UCP1: variants seen among roughly 807,000 people sequenced by gnomAD.
The protein encoded by UCP1 is uncoupling protein 1.
Under a neutral mutation model 26.2 loss-of-function variants are expected in UCP1, and 24 were observed. The ratio of observed to expected loss-of-function variants is 0.92; its 90% CI spans 0.66 to 1.29. The LOEUF (loss-of-function observed/expected upper bound fraction) is 1.29, where lower values mean the gene tolerates loss of function less well. Among genes scored for constraint, UCP1 ranks in the 50% most tolerant of loss-of-function variants. UCP1 has a pLI of 0.00. For missense variants in UCP1, 402 were observed against 388.7 expected, an observed-to-expected ratio of 1.03 and a Z score of -0.29; for synonymous variants, 164 against 156.8, an observed-to-expected ratio of 1.05 and a Z score of -0.34.
intron 5 of UCP1, 53 bp from the exon 6 acceptor site, chr4:140,560,063 TA>T: frequency 2.0e-6 from 3 of 1,466,050 alleles, no homozygotes; most frequent in Non-Finnish European, 1.9e-6. Flanking sequence ...TTTTTTTTTT[TA>T]ATTTTTGAGA....
Position 140,559,521 on chromosome 4 carries a change from T to C in UCP1, c.*375A>G, listed in dbSNP as rs558086468. On this transcript the variant is annotated 3_prime_UTR_variant, in exon 6 of 6. Coordinates refer to ENST00000262999, the MANE Select transcript of UCP1 (RefSeq NM_021833.5). ...TATTTTTAATAACTTCATTTTTAAG[T>C]ATTTATAAATATAAACTGCATTTCA... is the stretch of plus-strand genomic sequence containing the variant. 5.4e-6 allele frequency: 1 copy of C among 186,564 alleles called. No homozygotes were observed. The highest frequency in any genetic ancestry group is 1.6e-4 in the East Asian group (1 of 6,336). 11.6% of individuals were successfully genotyped at this position (186,564 alleles called of 1,614,324 possible).
chr4:140,566,931 C>T (rs1034946649), intron 2 of UCP1, among the ~76,000 whole-genome samples: 5 of 152,318 alleles, frequency 3.3e-5, no homozygotes, highest in Admixed American at 2.6e-4. Context: ...GGCCAGACTG[C>T]CTGGGTTTGA....
At chr4:140,565,434 C>T (rs950670038) in intron 2 of UCP1, among the ~76,000 whole-genome samples, 1 of 152,182 alleles carries the variant, frequency 6.6e-6, no homozygotes, top group Non-Finnish European at 1.5e-5. Flanking sequence ...ACTCCTTTTA[C>T]ATATATACTC....
chr4:140,566,808 T>C (rs1344541441), intron 2 of UCP1, among the ~76,000 whole-genome samples: 1 of 152,220 alleles, frequency 6.6e-6, no homozygotes, highest in African/African-American at 2.4e-5. Flanking sequence ...ACTACCCTGA[T>C]ATTCGGCTAA....
chr4:140,568,591 T>C lies in UCP1; in HGVS notation c.126+13A>G. On this transcript the variant is annotated intron_variant, in intron 1 of 5. Coordinates refer to ENST00000262999, the MANE Select transcript of UCP1 (RefSeq NM_021833.5). ...GTCCTGAGACCCCTTGTCTTACCCC[T>C]CTGCCTAGCTACCTGGAGCCGGACT... 6.2e-7 allele frequency: 1 copy of C among 1,613,660 alleles called. No individual in the cohort carries two copies. Among genetic ancestry groups the C allele is most frequent in the Non-Finnish European group, 8.5e-7 (1 of 1,179,936 alleles).
chr4:140,559,786 C>G lies in UCP1; in HGVS notation c.*110G>C. 1.9e-6 allele frequency: 2 copies of G among 1,073,960 alleles called. No homozygotes were observed. Among genetic ancestry groups the G allele is most frequent in the Non-Finnish European group, 1.4e-6 (1 of 734,466 alleles). 66.5% of individuals were successfully genotyped at this position (1,073,960 alleles called of 1,614,324 possible). On this transcript the variant is annotated 3_prime_UTR_variant, in exon 6 of 6. Coordinates refer to ENST00000262999, the MANE Select transcript of UCP1 (RefSeq NM_021833.5). ...TATAAAAAAGTCCAAAATTCTCTGC[C>G]AAAATTCCTTTATCTTTTTAGGTTA... is the stretch of plus-strand genomic sequence containing the variant.
At position 140,568,694 on chromosome 4, in the gene UCP1, G is replaced by T. The variant is rs555213120; in HGVS notation, c.36C>A (p.Thr12=). 1.0e-5 allele frequency: 16 copies of T among 1,604,978 alleles called. No homozygotes were observed. In the African/African-American group the frequency reaches 1.3e-4, roughly 13 times the overall value. ...GGLTASDVHP[T]LGVQLFSAGI... is the part of the protein sequence containing the mutation. Reference sequence around the variant, plus strand: ...CAGCTGAGAAGAGCTGGACCCCCAGGGTCGGGTGTACGTCCGAGGCTGTCA... The same window carrying T: ...CAGCTGAGAAGAGCTGGACCCCCAGTGTCGGGTGTACGTCCGAGGCTGTCA... The change falls in exon 1 of 6, where the codon ACC becomes ACA. Residue 12 remains threonine (T), a synonymous_variant. Coordinates refer to ENST00000262999, the MANE Select transcript of UCP1 (RefSeq NM_021833.5).
Position 140,567,807 on chromosome 4 carries a change from G to A in UCP1, c.297C>T (p.Val99=). ...CTTTCCCTGCGGTGAGGAACTCCTGGACCGTGTCGTAGAGGCCGATCCTGA... is the reference window on the plus strand; with the variant it reads ...CTTTCCCTGCGGTGAGGAACTCCTGAACCGTGTCGTAGAGGCCGATCCTGA... ...ASLRIGLYDT[V]QEFLTAGKET... The change falls in exon 2 of 6, where the codon GTC becomes GTT. Residue 99 remains valine (V), a synonymous_variant. Coordinates refer to ENST00000262999, the MANE Select transcript of UCP1 (RefSeq NM_021833.5). 6.2e-7 allele frequency: 1 copy of A among 1,614,086 alleles called. No homozygotes were observed. The highest frequency in any genetic ancestry group is 8.5e-7 in the Non-Finnish European group (1 of 1,180,016).
chr4:140,564,491 A>C (rs1400707293), intron 2 of UCP1, among the ~76,000 whole-genome samples: 1 of 152,180 alleles, frequency 6.6e-6, no homozygotes, highest in African/African-American at 2.4e-5. Context: ...CAGTCATTAT[A>C]ATTCTGTTTC....
In UCP1 at chr4:140,559,460, A is replaced by G; in HGVS notation, c.*436T>C. Reference sequence around the variant, plus strand: ...AAAGGTATTAGCAATACTTTATTGAATATATTAACTGACAACTGTGGTTAA... The same window carrying G: ...AAAGGTATTAGCAATACTTTATTGAGTATATTAACTGACAACTGTGGTTAA... On this transcript the variant is annotated 3_prime_UTR_variant, in exon 6 of 6. Transcript: ENST00000262999. 1 of 183,700 alleles carries G rather than the reference A, an allele frequency of 5.4e-6. No individual in the cohort carries two copies. The highest frequency in any genetic ancestry group is 5.7e-5 in the Admixed American group (1 of 17,400). The allele number at this position is 183,700 out of a possible 1,614,324, so 11.4% of individuals were successfully genotyped here. A position where few individuals can be genotyped will look rare whatever the true frequency, so the allele number is the denominator to read the frequency against.
chr4:140,563,615 T>C, intron 2 of UCP1, 97 bp from the exon 3 acceptor site: 1 of 1,238,532 alleles, frequency 8.1e-7, no homozygotes, highest in Non-Finnish European at 1.1e-6. Context: ...TTTTGTATTT[T>C]TTTTTTTTTT....
chr4:140,568,612 G>A lies in UCP1; in HGVS notation c.118C>T (p.Arg40Trp), dbSNP rs150067245. The change falls in exon 1 of 6, where the codon CGG becomes TGG. Residue 40 changes from arginine (R) to tryptophan (W), a missense_variant. Transcript: ENST00000262999. ...ITFPLDTAKV[R>W]LQVQGECPTS... ...CCCCTCTGCCTAGCTACCTGGAGCCGGACTTTGGCCGTGTCCAGCGGGAAG... is the reference window on the plus strand; with the variant it reads ...CCCCTCTGCCTAGCTACCTGGAGCCAGACTTTGGCCGTGTCCAGCGGGAAG... The A allele has an allele frequency of 4.6e-3, 7,357 of 1,613,614 alleles. 27 individuals are homozygous for A. The highest frequency in any genetic ancestry group is 5.0e-3 in the Non-Finnish European group (5,895 of 1,179,944).
At chr4:140,566,586 A>G (rs545998612) in intron 2 of UCP1, among the ~76,000 whole-genome samples, 2 of 152,358 alleles carry the variant, frequency 1.3e-5, no homozygotes, top group South Asian at 2.1e-4. Flanking sequence ...GTGGATAAGT[A>G]TAACTTATAT....
chr4:140,562,283 A>G lies in UCP1; in HGVS notation c.719T>C (p.Phe240Ser). Residue 240 changes from phenylalanine (F) to serine (S), a missense_variant, in exon 5 of 6, where the codon TTT (phenylalanine) becomes TCT (serine). Phe to Ser is a radical substitution (Grantham distance 155, BLOSUM62 -2). Coordinates refer to ENST00000262999, the MANE Select transcript of UCP1 (RefSeq NM_021833.5). ...SSPVDVVKTR[F>S]INSPPGQYKS... ...GTACTGTCCTGGTGGAGAATTAATA[A>G]ATCTGGTTTTTACTACATCCACCGG... 6.2e-7 allele frequency: 1 copy of G among 1,614,138 alleles called. No individual in the cohort carries two copies. The highest frequency in any genetic ancestry group is 1.3e-5 in the African/African-American group (1 of 75,026).
At chr4:140,562,047 G>T in intron 5 of UCP1, 146 bp downstream of exon 5, 2 of 951,302 alleles carry the variant, frequency 2.1e-6, no homozygotes, top group Non-Finnish European at 3.3e-6. Flanking sequence ...TTGGTGGATT[G>T]GAGAAATCTG....
chr4:140,562,148 A>G, intron 5 of UCP1, 45 bp downstream of exon 5: 1 of 1,611,206 alleles, frequency 6.2e-7, no homozygotes, highest in South Asian at 1.1e-5. Flanking sequence ...CCCAAAGCAC[A>G]CAGACAGCCA....
chr4:140,567,833 GA>G lies in UCP1; in HGVS notation c.270del (p.Leu91SerfsTer23). On this transcript the variant is annotated frameshift_variant, in exon 2 of 6. Coordinates refer to ENST00000262999, the MANE Select transcript of UCP1 (RefSeq NM_021833.5). LOFTEE classifies it high-confidence loss of function. Reference sequence around the variant, plus strand: ...ACCGTGTCGTAGAGGCCGATCCTGAGAGAGGCGGAGCTGATTTGCCGCTGAA... The same window carrying G: ...ACCGTGTCGTAGAGGCCGATCCTGAGGAGGCGGAGCTGATTTGCCGCTGAA... The part of the protein sequence containing the change: ...AGLQRQISSA[S>X]LRIGLYDTVQ... 6.2e-7 allele frequency: 1 copy of G among 1,614,144 alleles called. No individual in the cohort carries two copies. Among genetic ancestry groups the G allele is most frequent in the South Asian group, 1.1e-5 (1 of 91,074 alleles).
intron 2 of UCP1, among the ~76,000 whole-genome samples, chr4:140,565,857 T>A (rs1735784488): frequency 6.6e-6 from 1 of 151,504 alleles, no homozygotes; most frequent in African/African-American, 2.4e-5. Flanking sequence ...CAGTTAGTCA[T>A]GTGCTGCATA....
chr4:140,563,159 T>C lies in UCP1; in HGVS notation c.579A>G (p.Val193=). The C allele has an allele frequency of 1.2e-6, 2 of 1,613,910 alleles. No homozygotes were observed. Among genetic ancestry groups the C allele is most frequent in the Non-Finnish European group, 1.7e-6 (2 of 1,179,982 alleles). The change falls in exon 4 of 6, where the codon GTA becomes GTG. Residue 193 remains valine, a synonymous_variant. Transcript: ENST00000262999. ...RSVIINCTEL[V]TYDLMKEAFV... The stretch of plus-strand genomic sequence containing the variant: ...AGGCCTCCTTCATTAGATCATATGT[T>C]ACTAGCTCTGTACAATTGATGATGA...
Sources: gnomAD v4.1 joint callset for allele counts (sites outside exome capture counted in the v4.1 genomes callset) on GRCh38, gnomAD v4.1.1 for gene constraint, MANE v1.5 for transcripts, NCBI Gene and HGNC (gene_info 2026-07-23, HGNC 2026-07-21) for gene names.